The following ROBO2 variants were observed in gnomAD, a reference collection of about 807,000 sequenced individuals.
ROBO2 encodes the protein roundabout homolog 2.
Under a neutral mutation model 160.8 loss-of-function variants are expected in ROBO2, and 53 were observed. That is an observed-to-expected ratio of 0.33 (90% CI 0.26 to 0.41). The LOEUF is 0.41. Ranked by LOEUF, ROBO2 falls within the 10% of genes least tolerant of loss-of-function variation. The pLI is 1.00. For synonymous variants in ROBO2, 664 were observed against 611.7 expected (o/e 1.09, Z -1.26); for missense variants, 1,577 against 1,722.4 (o/e 0.92, Z 1.49).
chr3:76,672,954 A>G (rs1227599394), intron 2 of ROBO2, among the ~76,000 whole-genome samples: 2 of 151,850 alleles, frequency 1.3e-5, no homozygotes, highest in Non-Finnish European at 2.9e-5. Flanking sequence ...GAGAATTTTA[A>G]CCATTATCTT....
At chr3:77,417,484 G>T (rs889786037) in intron 2 of ROBO2, among the ~76,000 whole-genome samples, 2 of 151,964 alleles carry the variant, frequency 1.3e-5, no homozygotes, top group African/African-American at 2.4e-5. Flanking sequence ...AGATTTCCAA[G>T]AACTTCAATA....
chr3:77,209,776 G>A (rs1431159902), intron 2 of ROBO2, among the ~76,000 whole-genome samples: 2 of 152,120 alleles, frequency 1.3e-5, no homozygotes, highest in Non-Finnish European at 2.9e-5. Flanking sequence ...AAGGATGAAT[G>A]TCAGGCTGGC....
intron 1 of ROBO2, among the ~76,000 whole-genome samples, chr3:77,075,577 T>A (rs930441768): frequency 6.6e-6 from 1 of 152,036 alleles, no homozygotes; most frequent in African/African-American, 2.4e-5. Flanking sequence ...AAAAGTAACT[T>A]TTTTGCATTT....
intron 2 of ROBO2, among the ~76,000 whole-genome samples, chr3:76,678,107 A>T (rs2092460594): frequency 6.6e-6 from 1 of 151,270 alleles, no homozygotes; most frequent in African/African-American, 2.4e-5. Context: ...AATAGCTGGG[A>T]TTACAGGCAC....
At chr3:76,001,859 T>A (rs1029821800) in intron 2 of ROBO2, among the ~76,000 whole-genome samples, 4 of 152,200 alleles carry the variant, frequency 2.6e-5, no homozygotes, top group African/African-American at 9.6e-5. Context: ...AATTATCTTA[T>A]TTTATATATC....
At chr3:77,365,746 A>G (rs966521025) in intron 2 of ROBO2, among the ~76,000 whole-genome samples, 4 of 124,128 alleles carry the variant, frequency 3.2e-5, no homozygotes, top group Non-Finnish European at 7.3e-5. Flanking sequence ...TTTTGTGCTG[A>G]TAAGAGGACC....
chr3:77,115,679 G>A (rs1032261347), intron 2 of ROBO2, among the ~76,000 whole-genome samples: 31 of 152,090 alleles, frequency 2.0e-4, no homozygotes, highest in South Asian at 8.3e-4. Flanking sequence ...TGTTTTGTTT[G>A]GGAGTTTAAA....
At chr3:77,574,125 G>T (rs1287523416) in intron 13 of ROBO2, among the ~76,000 whole-genome samples, 3 of 152,008 alleles carry the variant, frequency 2.0e-5, no homozygotes, top group African/African-American at 7.2e-5. Context: ...CCACATAAAA[G>T]GGAATTGTTG....
chr3:76,284,216 A>AT (rs918692153), intron 2 of ROBO2, among the ~76,000 whole-genome samples: 5 of 152,084 alleles, frequency 3.3e-5, no homozygotes, highest in Middle Eastern at 3.4e-3. Flanking sequence ...ATCATTTAGG[A>AT]TTTTTTACCT....
intron 6 of ROBO2, among the ~76,000 whole-genome samples, chr3:77,543,794 G>GT (rs2153646469): frequency 6.6e-6 from 1 of 152,162 alleles, no homozygotes; most frequent in South Asian, 2.1e-4. Flanking sequence ...GGACTCTAAG[G>GT]TTTTACTAAC....
At chr3:76,398,040 G>A (rs2077571041) in intron 2 of ROBO2, among the ~76,000 whole-genome samples, 1 of 151,996 alleles carries the variant, frequency 6.6e-6, no homozygotes, top group Non-Finnish European at 1.5e-5. Flanking sequence ...GTTTATTGTG[G>A]CACTATTCAC....
intron 2 of ROBO2, among the ~76,000 whole-genome samples, chr3:76,029,540 T>C (rs917827265): frequency 3.9e-5 from 6 of 151,910 alleles, no homozygotes; most frequent in African/African-American, 1.4e-4. Context: ...TGACAGGCTC[T>C]GGTGTGTGAT....
chr3:76,215,746 A>G (rs1369412345), intron 2 of ROBO2, among the ~76,000 whole-genome samples: 1 of 152,232 alleles, frequency 6.6e-6, no homozygotes, highest in Non-Finnish European at 1.5e-5. Flanking sequence ...TCAGGTTATT[A>G]TCCAGGAGAA....
Position 77,153,115 on chromosome 3 carries a change from G to A in ROBO2, c.388+54775G>A, listed in dbSNP as rs144031295. 7.8e-3 allele frequency among the ~76,000 whole-genome samples: 1,190 copies of A among 152,130 alleles called. 16 individuals are homozygous for A. The highest frequency in any genetic ancestry group is 0.027 in the African/African-American group (1,133 of 41,506). ...ATGCCTTTGTCTAGTTTTATTAAAG[G>A]AGTTTAAAAATGCTTCTTCTTCCAG... On this transcript the variant is annotated intron_variant, in intron 2 of 25. Transcript: ENST00000461745.
intron 2 of ROBO2, among the ~76,000 whole-genome samples, chr3:76,783,740 A>C (rs1226062833): frequency 1.3e-5 from 2 of 150,916 alleles, no homozygotes; most frequent in African/African-American, 4.8e-5. Flanking sequence ...TGCTTCAACT[A>C]TCTGGATGTT....
intron 2 of ROBO2, among the ~76,000 whole-genome samples, chr3:76,890,534 G>C (rs371760185): frequency 2.0e-4 from 30 of 152,228 alleles, no homozygotes; most frequent in East Asian, 1.6e-3. Context: ...TTTCCAAATA[G>C]GGCCTGAAAT....
intron 2 of ROBO2, among the ~76,000 whole-genome samples, chr3:77,216,087 AC>A (rs2084902187): frequency 6.6e-6 from 1 of 152,138 alleles, no homozygotes; most frequent in Admixed American, 6.5e-5. Flanking sequence ...TGCTGGGAGA[AC>A]GACTACTCTC....
intron 2 of ROBO2, among the ~76,000 whole-genome samples, chr3:76,628,996 G>A (rs139580288): frequency 4.1e-4 from 62 of 152,052 alleles, no homozygotes; most frequent in African/African-American, 1.3e-3. Flanking sequence ...ATAATATAGC[G>A]TCACTTTTGT....
intron 2 of ROBO2, among the ~76,000 whole-genome samples, chr3:76,591,462 T>C (rs545829343): frequency 1.3e-5 from 2 of 152,288 alleles, no homozygotes; most frequent in South Asian, 4.1e-4. Flanking sequence ...TAGATACTTC[T>C]AATATTTCTG....
Sources: gnomAD v4.1 joint callset for allele counts (sites outside exome capture counted in the v4.1 genomes callset) on GRCh38, gnomAD v4.1.1 for gene constraint, MANE v1.5 for transcripts, NCBI Gene and HGNC (gene_info 2026-07-23, HGNC 2026-07-21) for gene names.